VPS13D: variants seen among roughly 807,000 people sequenced by gnomAD.
VPS13D encodes the protein vacuolar protein sorting 13 homolog D, also known as intermembrane lipid transfer protein VPS13D.
VPS13D carries 187 observed loss-of-function variants against 461.9 expected under a neutral mutation model. The observed-to-expected ratio is 0.40, with a 90% confidence interval of 0.36 to 0.46. VPS13D has a LOEUF of 0.46. Ranked by LOEUF, VPS13D falls within the 20% of genes least tolerant of loss-of-function variation. The pLI, the probability that VPS13D is intolerant of heterozygous loss-of-function variation, is 0.60. For missense variants in VPS13D, 4,711 were observed against 5,364.9 expected, an observed-to-expected ratio of 0.88 and a Z score of 3.81; for synonymous variants, 1,951 against 1,986.3, an observed-to-expected ratio of 0.98 and a Z score of 0.47.
intron 63 of VPS13D, among the ~76,000 whole-genome samples, chr1:12,414,271 G>T (rs1306838876): frequency 6.6e-6 from 1 of 152,034 alleles, no homozygotes; most frequent in Non-Finnish European, 1.5e-5. Context: ...ACAACAGAGT[G>T]AGAACCTGTT....
rs982103984 is a variant in VPS13D, at chr1:12,358,578, G to A, written c.10118G>A (p.Arg3373His). The change falls in exon 50 of 70, where the codon CGC (arginine) becomes CAC (histidine). Residue 3373 changes from arginine (R) to histidine (H), a missense_variant. Arg to His is a conservative substitution (Grantham distance 29). Coordinates refer to ENST00000620676, the MANE Select transcript of VPS13D (RefSeq NM_015378.4). ...RALKVIQQGN[R>H]PGLIYNIGID... is the part of the protein sequence containing the mutation. ...TTGAAAGTCATCCAGCAAGGAAACCGCCCAGGGCTGATCTATAACATTGGT... is the reference window on the plus strand; with the variant it reads ...TTGAAAGTCATCCAGCAAGGAAACCACCCAGGGCTGATCTATAACATTGGT... 1.1e-5 allele frequency: 18 copies of A among 1,614,152 alleles called. No homozygotes were observed. Among genetic ancestry groups the A allele is most frequent in the African/African-American group, 5.3e-5 (4 of 75,028 alleles).
intron 67 of VPS13D, among the ~76,000 whole-genome samples, chr1:12,462,346 G>A (rs1410459858): frequency 2.0e-5 from 3 of 152,178 alleles, no homozygotes; most frequent in Admixed American, 6.5e-5. Context: ...TGAAGTAGGA[G>A]TTGGCCAGGT....
At chr1:12,308,826 A>G (rs1469994943) in intron 27 of VPS13D, among the ~76,000 whole-genome samples, 185 bp downstream of exon 27, 2 of 151,452 alleles carry the variant, frequency 1.3e-5, no homozygotes, top group East Asian at 1.9e-4. Flanking sequence ...TAATTTTTGT[A>G]TTTTTAGTAG....
Position 12,507,779 on chromosome 1 carries a change from G to A in VPS13D, c.13035+686G>A, listed in dbSNP as rs951430674. The stretch of plus-strand genomic sequence containing the variant: ...CCTTGAGGAGCCGGGGTTCAAATCC[G>A]AGTGGCTTGGCACCAGAGCTGGCTG... On this transcript the variant is annotated intron_variant, in intron 69 of 69. Coordinates refer to ENST00000620676, the MANE Select transcript of VPS13D (RefSeq NM_015378.4). This position sits in a 1 kb window ranked among gnomAD's most constrained non-coding sequence, Gnocchi z 5.3. 3.3e-5 allele frequency among the ~76,000 whole-genome samples: 5 copies of A among 152,222 alleles called. No homozygotes were observed. Among genetic ancestry groups the A allele is most frequent in the African/African-American group, 4.8e-5 (2 of 41,460 alleles).
chr1:12,404,255 A>G (rs17457935), intron 63 of VPS13D, among the ~76,000 whole-genome samples: 3,924 of 151,838 alleles, frequency 0.026, 70 homozygotes, highest in Non-Finnish European at 0.035. Context: ...TGTAAAACCC[A>G]TTTGCTCTCT....
At chr1:12,296,833 A>G (rs1569840426) in intron 24 of VPS13D, among the ~76,000 whole-genome samples, 1 of 152,330 alleles carries the variant, frequency 6.6e-6, no homozygotes, top group African/African-American at 2.4e-5. Flanking sequence ...AAACAGTGGT[A>G]AGTCTTATGG....
intron 68 of VPS13D, among the ~76,000 whole-genome samples, chr1:12,503,992 C>T (rs769186401): frequency 3.3e-5 from 5 of 152,046 alleles, no homozygotes; most frequent in Non-Finnish European, 5.9e-5. Context: ...GAGGGGAGGG[C>T]GGGGAGCGTG....
At chr1:12,482,286 A>G (rs1038189945) in intron 67 of VPS13D, among the ~76,000 whole-genome samples, 1 of 152,188 alleles carries the variant, frequency 6.6e-6, no homozygotes, top group African/African-American at 2.4e-5. Flanking sequence ...CCCCTTATCC[A>G]GAAGAAAGCC....
At chr1:12,326,280 C>CTTTT (rs141587637) in intron 35 of VPS13D, among the ~76,000 whole-genome samples, 1 of 93,504 alleles carries the variant, frequency 1.1e-5, no homozygotes. Context: ...ATTCGAGCAC[C>CTTTT]TTTTTTTTTT....
In VPS13D at chr1:12,299,558, G is replaced by A. The variant is rs929083256; in HGVS notation, c.6216+174G>A. Among the ~76,000 whole-genome samples, 28 of 151,958 alleles carry A rather than the reference G, an allele frequency of 1.8e-4. No homozygotes were observed. Among genetic ancestry groups the A allele is most frequent in the African/African-American group, 6.8e-4 (28 of 41,316 alleles). On this transcript the variant is annotated intron_variant, in intron 25 of 69. Coordinates refer to ENST00000620676, the MANE Select transcript of VPS13D (RefSeq NM_015378.4). This position sits in a 1 kb window ranked among gnomAD's most constrained non-coding sequence, Gnocchi z 4.2. ...ATTTCAGTTAACCTTATGAATTGAG[G>A]TAGTGTAAATTATAACTCTTAGTAA...
intron 65 of VPS13D, among the ~76,000 whole-genome samples, chr1:12,419,566 A>C (rs1340151726): frequency 1.3e-5 from 2 of 152,180 alleles, no homozygotes; most frequent in Non-Finnish European, 2.9e-5. Flanking sequence ...ACATGGCAGG[A>C]GTGGGAGCAA....
intron 16 of VPS13D, among the ~76,000 whole-genome samples, chr1:12,270,691 A>G (rs1325796444): frequency 6.6e-6 from 1 of 151,998 alleles, no homozygotes; most frequent in African/African-American, 2.4e-5. Flanking sequence ...GCCAGGTCAT[A>G]CTGGAGTAAG....
intron 18 of VPS13D, among the ~76,000 whole-genome samples, chr1:12,275,613 A>G (rs781393917): frequency 3.9e-5 from 6 of 152,136 alleles, no homozygotes; most frequent in Admixed American, 1.3e-4. Context: ...TTTCGTGTCC[A>G]TACTTTTTTA....
At position 12,479,166 on chromosome 1, in the gene VPS13D, G is replaced by T. The variant is rs77258974; in HGVS notation, c.12663-18334G>T. ...TGGAGTGGCCTGGGTTCTTACAGTG[G>T]GCACTGCATTGAGGAAATGGGCAGA... On this transcript the variant is annotated intron_variant, in intron 67 of 69. Transcript: ENST00000620676. 4.4e-3 allele frequency among the ~76,000 whole-genome samples: 677 copies of T among 152,302 alleles called. 5 individuals are homozygous for T. Among genetic ancestry groups the T allele is most frequent in the African/African-American group, 0.015 (606 of 41,546 alleles).
At chr1:12,319,707 T>TA (rs961508224) in intron 32 of VPS13D, 77 bp downstream of exon 32, 5 of 1,595,868 alleles carry the variant, frequency 3.1e-6, no homozygotes, top group Non-Finnish European at 4.3e-6. Flanking sequence ...TTTTCCCTCT[T>TA]AAACTTTCAT....
chr1:12,488,616 C>A (rs1351923567), intron 67 of VPS13D, among the ~76,000 whole-genome samples: 3 of 149,696 alleles, frequency 2.0e-5, no homozygotes, highest in African/African-American at 7.4e-5. Flanking sequence ...CACGGTGGCC[C>A]ACACCTGCAA....
At chr1:12,351,430 A>C (rs1291458147) in intron 46 of VPS13D, among the ~76,000 whole-genome samples, 1 of 151,840 alleles carries the variant, frequency 6.6e-6, no homozygotes, top group African/African-American at 2.4e-5. Context: ...AGCTGGGATT[A>C]CAGGCGCCTG....
intron 65 of VPS13D, among the ~76,000 whole-genome samples, chr1:12,423,481 A>G (rs1644887722): frequency 6.6e-6 from 1 of 152,272 alleles, no homozygotes; most frequent in African/African-American, 2.4e-5. Context: ...CTGTCTGAAG[A>G]TAAATATAAG....
intron 60 of VPS13D, 66 bp from the exon 61 acceptor site, chr1:12,400,115 G>A (rs1042510427): frequency 8.9e-6 from 14 of 1,571,634 alleles, no homozygotes; most frequent in Admixed American, 8.8e-5. Context: ...CCACTCAAGC[G>A]TAAAAATGAA....
Sources: gnomAD v4.1 joint callset for allele counts (sites outside exome capture counted in the v4.1 genomes callset) on GRCh38, gnomAD v4.1.1 for gene constraint, Gnocchi (gnomAD v3.1) non-coding constraint, MANE v1.5 for transcripts, NCBI Gene and HGNC (gene_info 2026-07-23, HGNC 2026-07-21) for gene names.